Variants in STOX2 observed in about 807,000 individuals in gnomAD.
STOX2 encodes storkhead box 2.
STOX2 carries 28 observed loss-of-function variants against 60.9 expected under a neutral mutation model. The ratio of observed to expected loss-of-function variants is 0.46; its 90% CI spans 0.34 to 0.63. The LOEUF (loss-of-function observed/expected upper bound fraction) is 0.63, where lower values mean the gene tolerates loss of function less well. STOX2 is among the 30% of genes least tolerant of loss of function. STOX2 has a pLI of 0.01. For missense variants in STOX2, 1,024 were observed against 1,187.7 expected (o/e 0.86, Z 2.03); for synonymous variants, 472 against 463.9 (o/e 1.02, Z -0.22).
At chr4:183,926,769 G>A (rs559664798) in intron 1 of STOX2, among the ~76,000 whole-genome samples, 4 of 152,202 alleles carry the variant, frequency 2.6e-5, no homozygotes, top group South Asian at 2.1e-4. Flanking sequence ...GACTTGGCAC[G>A]CGCCACCATG....
At chr4:184,007,650 A>G (rs1733931794) in intron 2 of STOX2, among the ~76,000 whole-genome samples, 1 of 152,206 alleles carries the variant, frequency 6.6e-6, no homozygotes, top group South Asian at 2.1e-4. Flanking sequence ...TCAACCAACC[A>G]ACATGTATTG....
In STOX2 at chr4:184,011,730, T is replaced by C. The variant is rs993429196; in HGVS notation, c.2585+307T>C. ...TCTGCTACGTTCATATTGCCACCCA[T>C]GCTAAGAGAAGGATGTTTTTTAAGT... On this transcript the variant is annotated intron_variant, in intron 3 of 3. Coordinates refer to ENST00000308497, the MANE Select transcript of STOX2 (RefSeq NM_020225.3). This position sits in a 1 kb window ranked among gnomAD's most constrained non-coding sequence, Gnocchi z 4.4. The C allele has an allele frequency of 1.8e-5, 17 of 922,966 alleles. No individual in the cohort carries two copies. The highest frequency in any genetic ancestry group is 8.8e-6 in the Non-Finnish European group (6 of 679,130). 57.2% of individuals were successfully genotyped at this position (922,966 alleles called of 1,614,324 possible).
rs904372714 is a variant in STOX2 at position 184,017,154 on chromosome 4, C to T, written c.2651C>T (p.Ala884Val). The T allele has an allele frequency of 4.3e-6, 7 of 1,613,780 alleles. No individual in the cohort carries two copies. In the Admixed American group the frequency reaches 1.2e-4, roughly 27 times the overall value. Residue 884 changes from alanine (A) to valine (V), a missense_variant, in exon 4 of 4, where the codon GCT becomes GTT. Ala to Val is a moderately conservative substitution (Grantham distance 64). Coordinates refer to ENST00000308497, the MANE Select transcript of STOX2 (RefSeq NM_020225.3). ...GAAAGTAACCGTCGTCAGAACCCCGCTTTGAGCCCGGCCCATGGTGGAGCT... is the reference window on the plus strand; with the variant it reads ...GAAAGTAACCGTCGTCAGAACCCCGTTTTGAGCCCGGCCCATGGTGGAGCT... ...IVESNRRQNP[A>V]LSPAHGGAGP... is the part of the protein sequence containing the mutation.
intron 1 of STOX2, among the ~76,000 whole-genome samples, chr4:183,881,657 A>G (rs965310932): frequency 1.3e-5 from 2 of 152,232 alleles, no homozygotes; most frequent in African/African-American, 2.4e-5. Flanking sequence ...CCTGATAAAA[A>G]TATTGAAATC....
chr4:183,960,342 C>T (rs1743376143), intron 1 of STOX2: 1 of 152,198 alleles, frequency 6.6e-6, no homozygotes, highest in South Asian at 2.1e-4. Flanking sequence ...CAAAAGACTG[C>T]AGTCTAGAGT....
At chr4:183,854,698 T>C (rs907115856) in intron 1 of STOX2, among the ~76,000 whole-genome samples, 30 of 152,224 alleles carry the variant, frequency 2.0e-4, no homozygotes, top group African/African-American at 6.8e-4. Flanking sequence ...ATAGAAACTT[T>C]CTCATAAATG....
intron 1 of STOX2, among the ~76,000 whole-genome samples, chr4:183,943,605 C>T (rs1742807241): frequency 6.6e-6 from 1 of 152,166 alleles, no homozygotes; most frequent in Admixed American, 6.5e-5. Flanking sequence ...AGTGCAGAAT[C>T]ATTCTTGAGT....
In STOX2 at chr4:184,001,609, C is replaced by T. The variant is rs1380637551; in HGVS notation, c.319+132C>T. On this transcript the variant is annotated intron_variant, in intron 2 of 3. Coordinates refer to ENST00000308497, the MANE Select transcript of STOX2 (RefSeq NM_020225.3). This position sits in a 1 kb window ranked among gnomAD's most constrained non-coding sequence, Gnocchi z 4.2. ...TTCCCCAAAACTGACCCGAAGCTTT[C>T]CTTACTTCTGTAATTAAAAATTCAG... 1.2e-6 allele frequency: 1 copy of T among 826,462 alleles called. No individual in the cohort carries two copies. Among genetic ancestry groups the T allele is most frequent in the East Asian group, 2.9e-5 (1 of 34,192 alleles). The allele number at this position is 826,462 out of a possible 1,614,324, so 51.2% of individuals were successfully genotyped here. A position where few individuals can be genotyped will look rare whatever the true frequency, so the allele number is the denominator to read the frequency against.
intron 1 of STOX2, among the ~76,000 whole-genome samples, chr4:183,878,927 T>C (rs939122094): frequency 1.3e-5 from 2 of 151,794 alleles, no homozygotes; most frequent in East Asian, 1.9e-4. Context: ...TCTTTACTCA[T>C]GGATAGTTTT....
intron 1 of STOX2, among the ~76,000 whole-genome samples, chr4:183,871,200 CCCACACCTTGTTAA>C (rs1277351955): frequency 1.3e-5 from 2 of 152,150 alleles, no homozygotes; most frequent in Non-Finnish European, 2.9e-5. Flanking sequence ...TCCAGGTGTG[CCCACACCTTGTTAA>C]CTGTCTTTCT....
chr4:184,010,579 A>G lies in STOX2; in HGVS notation c.1741A>G (p.Ser581Gly). 2 of 1,613,992 alleles carry G rather than the reference A, an allele frequency of 1.2e-6. No homozygotes were observed. Among genetic ancestry groups the G allele is most frequent in the South Asian group, 2.2e-5 (2 of 91,064 alleles). ...SLLEPGKPPE[S>G]LPSYGELNSC... is the part of the protein sequence containing the mutation. ...TTTGGAGCCAGGAAAACCACCCGAG[A>G]GTTTGCCATCCTATGGCGAACTCAA... The change falls in exon 3 of 4, where the codon AGT becomes GGT. Residue 581 changes from serine to glycine, a missense_variant. By Grantham distance (56) the Ser-to-Gly change is moderately conservative. This residue lies in a region of STOX2 where 922 missense variants were observed against 1,058.3 expected (regional missense o/e 0.87). Transcript: ENST00000308497. This position sits in a 1 kb window ranked among gnomAD's most constrained non-coding sequence, Gnocchi z 4.5.
At position 184,019,566 on chromosome 4, in the gene STOX2, A is replaced by T. The variant is rs1374904826; in HGVS notation, c.*2282A>T. 1 of 152,216 alleles carries T rather than the reference A, an allele frequency of 6.6e-6. No homozygotes were observed. Among genetic ancestry groups the T allele is most frequent in the East Asian group, 1.9e-4 (1 of 5,196 alleles). The allele number at this position is 152,216 out of a possible 1,614,324, so 9.4% of individuals were successfully genotyped here. A position where few individuals can be genotyped will look rare whatever the true frequency, so the allele number is the denominator to read the frequency against. On this transcript the variant is annotated 3_prime_UTR_variant, in exon 4 of 4. Transcript: ENST00000308497. ...GAAAGGAAAGCGTTACCTTTAAGAG[A>T]AGCTTTAAAATAGGAATTTATTGAT...
chr4:183,847,001 C>G (rs1288651115), intron 1 of STOX2, among the ~76,000 whole-genome samples: 2 of 152,132 alleles, frequency 1.3e-5, no homozygotes, highest in African/African-American at 4.8e-5. Context: ...CATGTATGTC[C>G]ATGGAAGCTT....
At chr4:183,913,339 G>T (rs1741836616) in intron 1 of STOX2, among the ~76,000 whole-genome samples, 1 of 152,150 alleles carries the variant, frequency 6.6e-6, no homozygotes, top group Non-Finnish European at 1.5e-5. Context: ...GAGAAATGGT[G>T]GAAGCAGCCT....
At chr4:183,859,768 G>C (rs926864363) in intron 1 of STOX2, among the ~76,000 whole-genome samples, 1 of 152,234 alleles carries the variant, frequency 6.6e-6, no homozygotes, top group African/African-American at 2.4e-5. Context: ...ATGTCACTGG[G>C]ATGATCCAAA....
chr4:183,937,164 T>G (rs1216873123), intron 1 of STOX2, among the ~76,000 whole-genome samples: 2 of 152,236 alleles, frequency 1.3e-5, no homozygotes, highest in Non-Finnish European at 2.9e-5. Flanking sequence ...TCCTTTCCTG[T>G]GAGTCACGGC....
At chr4:183,817,317 G>A (rs373698612) in intron 1 of STOX2, among the ~76,000 whole-genome samples, 1 of 152,228 alleles carries the variant, frequency 6.6e-6, no homozygotes, top group African/African-American at 2.4e-5. Context: ...AAAAGAACGT[G>A]CCACACACCC....
rs1420556573 is a variant in STOX2 at position 183,825,362 on chromosome 4, G to A, written c.364+27307G>A. On this transcript the variant is annotated intron_variant, in intron 1 of 2. Coordinates refer to the STOX2 transcript ENST00000513034. This position sits in a 1 kb window ranked among gnomAD's most constrained non-coding sequence, Gnocchi z 4.1. ...AGTAGGTTGGGAGGAAGGTGGGCCG[G>A]GAGCGGTCAGCCTTCACACAGCTGG... 6.6e-6 allele frequency among the ~76,000 whole-genome samples: 1 copy of A among 152,144 alleles called. No homozygotes were observed. Among genetic ancestry groups the A allele is most frequent in the Non-Finnish European group, 1.5e-5 (1 of 68,024 alleles).
intron 1 of STOX2, among the ~76,000 whole-genome samples, chr4:183,915,336 G>T (rs1320614997): frequency 6.6e-6 from 1 of 152,122 alleles, no homozygotes; most frequent in African/African-American, 2.4e-5. Flanking sequence ...ACTGCTTTCG[G>T]CATATCCAAC....
Sources: allele counts gnomAD v4.1 joint callset (sites outside exome capture counted in the v4.1 genomes callset), GRCh38; gene constraint gnomAD v4.1.1; regional missense constraint gnomAD v4.1.1; non-coding constraint Gnocchi (gnomAD v3.1); transcripts MANE v1.5; gene names NCBI Gene and HGNC (gene_info 2026-07-23, HGNC 2026-07-21).